TEAD1: variants seen among roughly 807,000 people sequenced by gnomAD.
TEAD1 encodes TEA domain transcription factor 1.
Under a neutral mutation model 54.9 loss-of-function variants are expected in TEAD1, and 9 were observed. The observed-to-expected ratio is 0.16, with a 90% confidence interval of 0.10 to 0.29. The LOEUF (loss-of-function observed/expected upper bound fraction) is 0.29. Ranked by LOEUF, TEAD1 falls within the 10% of genes least tolerant of loss-of-function variation. The pLI, the probability that TEAD1 is intolerant of heterozygous loss-of-function variation, is 1.00. For missense variants in TEAD1, 387 were observed against 535.9 expected, an observed-to-expected ratio of 0.72 and a Z score of 2.74; for synonymous variants, 200 against 187.8, an observed-to-expected ratio of 1.07 and a Z score of -0.53.
intron 5 of TEAD1, among the ~76,000 whole-genome samples, chr11:12,870,614 G>A (rs911054550): frequency 1.3e-5 from 2 of 152,148 alleles, no homozygotes; most frequent in South Asian, 2.1e-4. Flanking sequence ...GGCTGGGCAC[G>A]GTGGCTCACG....
At chr11:12,676,975 A>T (rs933356554) in intron 2 of TEAD1, among the ~76,000 whole-genome samples, 22 of 152,146 alleles carry the variant, frequency 1.4e-4, no homozygotes, top group African/African-American at 5.1e-4. Flanking sequence ...TTTTAGGGGA[A>T]TATTAGAACT....
chr11:12,914,149 T>A (rs1235661920), intron 10 of TEAD1, among the ~76,000 whole-genome samples: 1 of 152,226 alleles, frequency 6.6e-6, no homozygotes, highest in African/African-American at 2.4e-5. Flanking sequence ...AACTAAATGC[T>A]GGTATTTGTA....
intron 2 of TEAD1, among the ~76,000 whole-genome samples, chr11:12,720,243 A>G (rs750111703): frequency 2.6e-5 from 4 of 152,160 alleles, no homozygotes; most frequent in Non-Finnish European, 4.4e-5. Flanking sequence ...TAGAGAGAGG[A>G]ATAGGCACTT....
At chr11:12,860,967 CAT>C (rs1440080360) in intron 3 of TEAD1, among the ~76,000 whole-genome samples, 3 of 152,174 alleles carry the variant, frequency 2.0e-5, no homozygotes, top group African/African-American at 7.2e-5. Flanking sequence ...TGGTGAAGCA[CAT>C]GAGTGAATGC....
chr11:12,807,402 C>T (rs967795384), intron 3 of TEAD1, among the ~76,000 whole-genome samples: 2 of 152,112 alleles, frequency 1.3e-5, no homozygotes, highest in South Asian at 2.1e-4. Context: ...AGTGTGGATA[C>T]GTGGGTCCTG....
chr11:12,934,177 C>T (rs1949058859), intron 12 of TEAD1, among the ~76,000 whole-genome samples: 1 of 152,146 alleles, frequency 6.6e-6, no homozygotes, highest in African/African-American at 2.4e-5. Flanking sequence ...GAAAATGTGG[C>T]ACATATACAT....
At chr11:12,686,237 C>T (rs780475345) in intron 2 of TEAD1, among the ~76,000 whole-genome samples, 3 of 152,156 alleles carry the variant, frequency 2.0e-5, no homozygotes, top group Non-Finnish European at 4.4e-5. Flanking sequence ...GCAGACTAGA[C>T]TTTTCTAGAA....
chr11:12,761,244 G>A (rs1403066863), intron 2 of TEAD1, among the ~76,000 whole-genome samples: 2 of 152,330 alleles, frequency 1.3e-5, no homozygotes, highest in South Asian at 2.1e-4. Context: ...GCAAGACTCT[G>A]CTGCCTGTCT....
chr11:12,769,565 G>T (rs1945275464), intron 3 of TEAD1, among the ~76,000 whole-genome samples: 2 of 152,072 alleles, frequency 1.3e-5, no homozygotes, highest in East Asian at 3.9e-4. Context: ...GCTCTTTGAG[G>T]ATCAGGGAGG....
chr11:12,757,294 T>C (rs915486043), intron 2 of TEAD1, among the ~76,000 whole-genome samples: 2 of 152,190 alleles, frequency 1.3e-5, no homozygotes, highest in African/African-American at 4.8e-5. Context: ...CTTTACACCC[T>C]GGCTGCTCCG....
chr11:12,844,360 G>A (rs753616281), intron 3 of TEAD1, among the ~76,000 whole-genome samples: 1 of 152,010 alleles, frequency 6.6e-6, no homozygotes, highest in Non-Finnish European at 1.5e-5. Context: ...TTCTTTCAAC[G>A]TGTTAGAAAT....
chr11:12,750,566 GAC>G (rs1020039390), intron 2 of TEAD1, among the ~76,000 whole-genome samples: 2 of 151,602 alleles, frequency 1.3e-5, no homozygotes, highest in African/African-American at 2.4e-5. Context: ...CAGACAGACA[GAC>G]ACACACACGT....
intron 5 of TEAD1, among the ~76,000 whole-genome samples, chr11:12,877,629 A>C (rs1947878302): frequency 6.6e-6 from 1 of 151,756 alleles, no homozygotes; most frequent in Non-Finnish European, 1.5e-5. Context: ...ACTGCACTCC[A>C]GCCCGGGCAA....
chr11:12,863,434 T>G (rs1420544528), intron 4 of TEAD1, among the ~76,000 whole-genome samples: 2 of 152,028 alleles, frequency 1.3e-5, no homozygotes, highest in African/African-American at 4.8e-5. Flanking sequence ...AGGAGCCAGA[T>G]GGAGGGCTGA....
At chr11:12,709,262 C>T (rs901924959) in intron 2 of TEAD1, among the ~76,000 whole-genome samples, 5 of 151,818 alleles carry the variant, frequency 3.3e-5, no homozygotes, top group Non-Finnish European at 5.9e-5. Context: ...TGCTTGAACC[C>T]AGGAGGTGGA....
chr11:12,726,179 G>A (rs1339048013), intron 2 of TEAD1, among the ~76,000 whole-genome samples: 3 of 152,212 alleles, frequency 2.0e-5, no homozygotes, highest in Admixed American at 6.5e-5. Context: ...AGGCACATAG[G>A]TGGGGCACAT....
intron 3 of TEAD1, among the ~76,000 whole-genome samples, chr11:12,790,705 C>T (rs1945781694): frequency 6.6e-6 from 1 of 152,208 alleles, no homozygotes; most frequent in African/African-American, 2.4e-5. Flanking sequence ...AAATAGACAT[C>T]TCTGTTTAAG....
At chr11:12,908,517 C>G (rs548235991) in intron 10 of TEAD1, among the ~76,000 whole-genome samples, 81 of 152,252 alleles carry the variant, frequency 5.3e-4, no homozygotes, top group Non-Finnish European at 9.4e-4. Context: ...TTTTCCTGAA[C>G]TTCTCCTGTG....
chr11:12,771,350 C>T (rs773272059), intron 3 of TEAD1, among the ~76,000 whole-genome samples: 14 of 152,224 alleles, frequency 9.2e-5, no homozygotes, highest in Non-Finnish European at 1.5e-4. Flanking sequence ...GATCTGAAGG[C>T]GTGAAGACAA....
Sources: allele counts gnomAD v4.1 joint callset (sites outside exome capture counted in the v4.1 genomes callset), GRCh38; gene constraint gnomAD v4.1.1; transcripts MANE v1.5; gene names NCBI Gene and HGNC (gene_info 2026-07-23, HGNC 2026-07-21).